Variants in GRIA2 observed in about 807,000 individuals in gnomAD.
GRIA2 encodes glutamate receptor 2.
Under a neutral mutation model 97.3 loss-of-function variants are expected in GRIA2, and 14 were observed. That is an observed-to-expected ratio of 0.14 (90% confidence interval 0.10 to 0.23). The LOEUF is 0.23. GRIA2 is among the 10% of genes least tolerant of loss of function. GRIA2 has a pLI of 1.00. For missense variants in GRIA2, 558 were observed against 1,069.8 expected, an observed-to-expected ratio of 0.52 and a Z score of 6.67; for synonymous variants, 412 against 387.8, an observed-to-expected ratio of 1.06 and a Z score of -0.73.
At chr4:157,340,006 TTCTC>T (rs1232428808) in intron 11 of GRIA2, among the ~76,000 whole-genome samples, 4 of 151,926 alleles carry the variant, frequency 2.6e-5, no homozygotes, top group South Asian at 2.1e-4. Flanking sequence ...CTTGCTATTT[TTCTC>T]TCTCTATCTC....
At chr4:157,330,183 A>C (rs1734987833) in intron 6 of GRIA2, among the ~76,000 whole-genome samples, 1 of 151,934 alleles carries the variant, frequency 6.6e-6, no homozygotes, top group Non-Finnish European at 1.5e-5. Flanking sequence ...AAACAACCTT[A>C]GACAATAATA....
intron 2 of GRIA2, among the ~76,000 whole-genome samples, chr4:157,296,244 G>T (rs1372845007): frequency 6.6e-6 from 1 of 152,018 alleles, no homozygotes; most frequent in African/African-American, 2.4e-5. Context: ...ACATTTCATA[G>T]GTAATTTTAA....
At chr4:157,250,493 G>A (rs1306774910) in intron 2 of GRIA2, among the ~76,000 whole-genome samples, 1 of 152,028 alleles carries the variant, frequency 6.6e-6, no homozygotes, top group African/African-American at 2.4e-5. Flanking sequence ...CCTGGGCAAT[G>A]CATGCATTAC....
chr4:157,273,413 A>G (rs1732124907), intron 2 of GRIA2, among the ~76,000 whole-genome samples: 1 of 152,116 alleles, frequency 6.6e-6, no homozygotes. Flanking sequence ...AGATATGGAA[A>G]GAATGTTGGA....
At chr4:157,233,185 A>T (rs1385947401) in intron 2 of GRIA2, among the ~76,000 whole-genome samples, 1 of 152,164 alleles carries the variant, frequency 6.6e-6, no homozygotes, top group Non-Finnish European at 1.5e-5. Context: ...CAAAGAAGAG[A>T]CTAACAAAAT....
chr4:157,329,352 A>G (rs1424961433), intron 6 of GRIA2, among the ~76,000 whole-genome samples: 3 of 151,988 alleles, frequency 2.0e-5, no homozygotes, highest in Non-Finnish European at 4.4e-5. Context: ...TTTTTTAACT[A>G]AATAATTGAG....
intron 4 of GRIA2, among the ~76,000 whole-genome samples, chr4:157,314,161 A>G (rs997892835): frequency 2.0e-4 from 31 of 152,280 alleles, no homozygotes; most frequent in African/African-American, 6.0e-4. Context: ...GCAATAGTAT[A>G]CACTGTGGCT....
intron 2 of GRIA2, among the ~76,000 whole-genome samples, chr4:157,257,693 A>G (rs564889280): frequency 3.3e-5 from 5 of 152,064 alleles, no homozygotes; most frequent in Non-Finnish European, 5.9e-5. Context: ...AACCAACTAA[A>G]TTTTCTACTA....
intron 2 of GRIA2, among the ~76,000 whole-genome samples, chr4:157,233,904 T>G (rs947442442): frequency 2.0e-5 from 3 of 152,150 alleles, no homozygotes; most frequent in African/African-American, 7.2e-5. Flanking sequence ...AACAGAAATT[T>G]ATGTGATTTG....
At chr4:157,243,883 G>A (rs180801506) in intron 2 of GRIA2, among the ~76,000 whole-genome samples, 199 of 151,770 alleles carry the variant, frequency 1.3e-3, no homozygotes, top group Non-Finnish European at 2.4e-3. Context: ...AAAGGTGGAC[G>A]CTCATGGAGC....
intron 2 of GRIA2, among the ~76,000 whole-genome samples, chr4:157,260,568 C>T (rs1001214915): frequency 6.6e-6 from 1 of 152,006 alleles, no homozygotes; most frequent in Non-Finnish European, 1.5e-5. Flanking sequence ...CTGGAATTTC[C>T]ATATATCACT....
At chr4:157,311,517 T>C (rs1382229403) in intron 3 of GRIA2, among the ~76,000 whole-genome samples, 1 of 152,046 alleles carries the variant, frequency 6.6e-6, no homozygotes, top group Non-Finnish European at 1.5e-5. Context: ...TTTTTCTTTT[T>C]TGAAATAGTT....
At chr4:157,299,497 T>A (rs571305910) in intron 2 of GRIA2, among the ~76,000 whole-genome samples, 1 of 152,256 alleles carries the variant, frequency 6.6e-6, no homozygotes, top group South Asian at 2.1e-4. Context: ...AAAAAAAACA[T>A]ACTCAGTTCT....
intron 2 of GRIA2, among the ~76,000 whole-genome samples, chr4:157,257,933 T>C (rs1452633599): frequency 6.6e-6 from 1 of 152,086 alleles, no homozygotes; most frequent in Non-Finnish European, 1.5e-5. Flanking sequence ...TATAATTTCT[T>C]ACACCTGTCT....
At chr4:157,222,596 C>A (rs1729551863) in intron 2 of GRIA2, among the ~76,000 whole-genome samples, 1 of 152,152 alleles carries the variant, frequency 6.6e-6, no homozygotes, top group Non-Finnish European at 1.5e-5. Flanking sequence ...GCCAGCCCGG[C>A]GCGCTTTGTT....
intron 8 of GRIA2, 27 bp from the exon 9 acceptor site, chr4:157,333,983 A>G: frequency 9.6e-7 from 1 of 1,043,498 alleles, no homozygotes; most frequent in Non-Finnish European, 1.5e-6. Flanking sequence ...ATTTATCCAT[A>G]CACCTGTCTG....
chr4:157,278,867 A>G (rs1378045889), intron 2 of GRIA2, among the ~76,000 whole-genome samples: 1 of 152,098 alleles, frequency 6.6e-6, no homozygotes, highest in Non-Finnish European at 1.5e-5. Flanking sequence ...GCAAATAAGC[A>G]TATAAAAAGA....
chr4:157,221,327 A>G (rs920197117), intron 1 of GRIA2, 197 bp downstream of exon 1: 5 of 565,652 alleles, frequency 8.8e-6, no homozygotes, highest in Non-Finnish European at 1.6e-5. Flanking sequence ...ACAATAGAAG[A>G]AAAGGTCCTC....
intron 2 of GRIA2, among the ~76,000 whole-genome samples, chr4:157,283,243 A>G (rs1732689700): frequency 6.6e-6 from 1 of 151,820 alleles, no homozygotes; most frequent in South Asian, 2.1e-4. Context: ...TAATATAGTG[A>G]CCCCAGTTAG....
Sources: allele counts gnomAD v4.1 joint callset (sites outside exome capture counted in the v4.1 genomes callset), GRCh38; gene constraint gnomAD v4.1.1; transcripts MANE v1.5; gene names NCBI Gene and HGNC (gene_info 2026-07-23, HGNC 2026-07-21).